ISL2: variants seen among roughly 807,000 people sequenced by gnomAD.
The protein encoded by ISL2 is ISL LIM homeobox 2, also known as insulin gene enhancer protein ISL-2.
ISL2 carries 17 observed loss-of-function variants against 34.6 expected under a neutral mutation model. That is an observed-to-expected ratio of 0.49 (90% CI 0.34 to 0.74). The LOEUF (loss-of-function observed/expected upper bound fraction) is 0.74, where lower values mean the gene tolerates loss of function less well. ISL2 is among the 30% of genes least tolerant of loss of function. The probability of loss-of-function intolerance (pLI) is 0.01; values close to 1 mark genes in which losing one functional copy is unlikely to be tolerated. For synonymous variants in ISL2, 232 were observed against 225.5 expected, an observed-to-expected ratio of 1.03 and a Z score of -0.26; for missense variants, 469 against 515.2, an observed-to-expected ratio of 0.91 and a Z score of 0.87.
chr15:76,342,152 C>A lies in ISL2; in HGVS notation c.*317C>A, dbSNP rs533772819. The stretch of plus-strand genomic sequence containing the variant: ...TGTCTCTCCACGCCCCACCTGTGTC[C>A]CCATCTCGGCCGGCCCGGAGCTCGC... On this transcript the variant is annotated 3_prime_UTR_variant, in exon 6 of 6. Coordinates refer to ENST00000290759, the MANE Select transcript of ISL2 (RefSeq NM_145805.3). 1.1e-3 allele frequency: 227 copies of A among 212,166 alleles called. 1 individual carries two copies. In the Middle Eastern group the frequency reaches 0.014, roughly 13 times the overall value. The allele number at this position is 212,166 out of a possible 1,614,324, so 13.1% of individuals were successfully genotyped here. A position where few individuals can be genotyped will look rare whatever the true frequency, so the allele number is the denominator to read the frequency against.
At chr15:76,338,135 C>T (rs911499626) in intron 2 of ISL2, 117 bp from the exon 3 acceptor site, 5 of 1,388,478 alleles carry the variant, frequency 3.6e-6, no homozygotes, top group Non-Finnish European at 4.7e-6. Flanking sequence ...GCAGGCGGGT[C>T]ACCGCAGTCT....
At chr15:76,339,269 C>G in intron 3 of ISL2, 1 of 984,982 alleles carries the variant, frequency 1.0e-6, no homozygotes, top group Non-Finnish European at 1.2e-6. Context: ...TGGCCTTGCC[C>G]CGCTCCTCCC....
chr15:76,338,381 TG>T lies in ISL2; in HGVS notation c.382del (p.Asp128ThrfsTer71). ...CSVCSRQLLP[G>X]DEFSLREHEL... Reference sequence around the variant, plus strand: ...CCGTGTGCAGCCGCCAGCTGCTGCCTGGGGACGAGTTCTCGCTGCGGGAGCA... The same window carrying T: ...CCGTGTGCAGCCGCCAGCTGCTGCCTGGGACGAGTTCTCGCTGCGGGAGCA... On this transcript the variant is annotated frameshift_variant, in exon 3 of 6. Coordinates refer to ENST00000290759, the MANE Select transcript of ISL2 (RefSeq NM_145805.3). LOFTEE classifies it high-confidence loss of function. 1.3e-6 allele frequency: 2 copies of T among 1,546,380 alleles called. No homozygotes were observed. Among genetic ancestry groups the T allele is most frequent in the Non-Finnish European group, 8.7e-7 (1 of 1,155,382 alleles).
chr15:76,341,964 T>C lies in ISL2; in HGVS notation c.*129T>C. 1.4e-6 allele frequency: 1 copy of C among 692,302 alleles called. No individual in the cohort carries two copies. Among genetic ancestry groups the C allele is most frequent in the South Asian group, 1.7e-5 (1 of 59,536 alleles). 42.9% of individuals were successfully genotyped at this position (692,302 alleles called of 1,614,324 possible). On this transcript the variant is annotated 3_prime_UTR_variant, in exon 6 of 6. Coordinates refer to ENST00000290759, the MANE Select transcript of ISL2 (RefSeq NM_145805.3). ...TATTCTATTGTTATTTATGAGAGAGTACCGAGAGACACGGTCTGGACAGCC... is the reference window on the plus strand; with the variant it reads ...TATTCTATTGTTATTTATGAGAGAGCACCGAGAGACACGGTCTGGACAGCC...
At chr15:76,341,051 C>T in intron 4 of ISL2, 83 bp from the exon 5 acceptor site, 1 of 1,324,770 alleles carries the variant, frequency 7.5e-7, no homozygotes, top group South Asian at 1.4e-5. Flanking sequence ...CTAAATCACT[C>T]AAGGCCTGGA....
intron 3 of ISL2, 103 bp from the exon 4 acceptor site, chr15:76,340,173 G>C: frequency 2.1e-6 from 3 of 1,429,626 alleles, no homozygotes; most frequent in South Asian, 3.0e-5. Flanking sequence ...GAATAAAACA[G>C]AAACGAAATC....
At chr15:76,339,662 CAG>C (rs2040178958) in intron 3 of ISL2, 5 of 985,722 alleles carry the variant, frequency 5.1e-6, no homozygotes, top group East Asian at 1.1e-4. Context: ...AGGAAGGAGA[CAG>C]GGGCCGAAGC....
chr15:76,340,790 G>C (rs1307193324), intron 4 of ISL2, among the ~76,000 whole-genome samples: 1 of 152,378 alleles, frequency 6.6e-6, no homozygotes, highest in Non-Finnish European at 1.5e-5. Context: ...TGCGGGTTCC[G>C]GGCGCTGCGC....
rs2040196816 is a variant in ISL2, at chr15:76,341,815, C to G, written c.1060C>G (p.Pro354Ala). The G allele has an allele frequency of 1.2e-6, 2 of 1,613,222 alleles. No homozygotes were observed. Among genetic ancestry groups the G allele is most frequent in the Non-Finnish European group, 1.7e-6 (2 of 1,179,674 alleles). Reference protein sequence around the residue: ...QLPDTPNSMVPSPVET With the variant: ...QLPDTPNSMVASPVET Reference sequence around the variant, plus strand: ...CCCGGACACCCCCAACAGTATGGTGCCGAGTCCCGTGGAGACGTGAGGGGG... The same window carrying G: ...CCCGGACACCCCCAACAGTATGGTGGCGAGTCCCGTGGAGACGTGAGGGGG... Residue 354 changes from proline to alanine, a missense_variant, in exon 6 of 6, where the codon CCG (proline) becomes GCG (alanine). Physicochemically the swap from Pro to Ala is conservative, Grantham distance 27. Coordinates refer to ENST00000290759, the MANE Select transcript of ISL2 (RefSeq NM_145805.3).
intron 3 of ISL2, chr15:76,338,967 G>A (rs1042949465): frequency 1.0e-6 from 1 of 985,296 alleles, no homozygotes; most frequent in Non-Finnish European, 1.2e-6. Context: ...TCAGCCAGGA[G>A]CCAAGAACCC....
chr15:76,341,997 C>T lies in ISL2; in HGVS notation c.*162C>T. On this transcript the variant is annotated 3_prime_UTR_variant, in exon 6 of 6. Coordinates refer to ENST00000290759, the MANE Select transcript of ISL2 (RefSeq NM_145805.3). ...GACACGGTCTGGACAGCCCAAGGCG[C>T]CAGGATGCAACCTGCTTTCACCAGA... The T allele has an allele frequency of 1.7e-6, 1 of 604,794 alleles. No individual in the cohort carries two copies. The highest frequency in any genetic ancestry group is 3.0e-6 in the Non-Finnish European group (1 of 338,396). The allele number at this position is 604,794 out of a possible 1,614,324, so 37.5% of individuals were successfully genotyped here.
chr15:76,340,946 C>G (rs148103758), intron 4 of ISL2, among the ~76,000 whole-genome samples, 188 bp from the exon 5 acceptor site: 11 of 152,358 alleles, frequency 7.2e-5, no homozygotes, highest in Non-Finnish European at 1.3e-4. Flanking sequence ...GCTGACCTAT[C>G]GTGGCAAGTT....
At chr15:76,340,610 G>C in intron 4 of ISL2, 51 bp downstream of exon 4, 1 of 1,552,836 alleles carries the variant, frequency 6.4e-7, no homozygotes, top group Non-Finnish European at 8.7e-7. Flanking sequence ...CTGCGCTTCC[G>C]CCGCGGTATC....
In ISL2 at chr15:76,336,859, A is replaced by G. The variant is rs2040153575; in HGVS notation, c.-25A>G. On this transcript the variant is annotated 5_prime_UTR_variant, in exon 1 of 6. Transcript: ENST00000290759. Reference sequence around the variant, plus strand: ...CTCGTCCTTCTGCCCCTGGCCGCACACTTTGCGCACATCTCTTTTTCTGCA... The same window carrying G: ...CTCGTCCTTCTGCCCCTGGCCGCACGCTTTGCGCACATCTCTTTTTCTGCA... 2 of 1,608,938 alleles carry G rather than the reference A, an allele frequency of 1.2e-6. No homozygotes were observed. Among genetic ancestry groups the G allele is most frequent in the African/African-American group, 1.3e-5 (1 of 74,814 alleles).
At chr15:76,339,147 T>TACG in intron 3 of ISL2, 1 of 985,372 alleles carries the variant, frequency 1.0e-6, no homozygotes, top group African/African-American at 1.7e-5. Flanking sequence ...AATGGGCAGG[T>TACG]ACGGCTGAAC....
At chr15:76,339,823 C>G (rs936982162) in intron 3 of ISL2, 2 of 1,000,022 alleles carry the variant, frequency 2.0e-6, no homozygotes, top group Non-Finnish European at 2.4e-6. Context: ...TTCGCACCTC[C>G]CACCCAGTCC....
rs745432373 is a variant in ISL2 at position 76,341,129 on chromosome 15, C to T, written c.796-5C>T. On this transcript the variant is annotated splice_region_variant and splice_polypyrimidine_tract_variant and intron_variant, in intron 4 of 5. Coordinates refer to ENST00000290759, the MANE Select transcript of ISL2 (RefSeq NM_145805.3). ...AGCACCTACTGCCTTCTGCTTGCCC[C>T]GCAGAGCCTTCAGGGACTGACTGGG... The T allele has an allele frequency of 1.9e-6, 3 of 1,571,346 alleles. No individual in the cohort carries two copies. Among genetic ancestry groups the T allele is most frequent in the Non-Finnish European group, 2.6e-6 (3 of 1,158,474 alleles).
chr15:76,341,378 G>C, intron 5 of ISL2, 77 bp downstream of exon 5: 12 of 1,420,444 alleles, frequency 8.4e-6, no homozygotes, highest in Non-Finnish European at 1.1e-5. Context: ...GGCAGAGAGG[G>C]GAGGGGGTGG....
At chr15:76,340,112 G>T (rs2040182110) in intron 3 of ISL2, 164 bp from the exon 4 acceptor site, 1 of 1,422,032 alleles carries the variant, frequency 7.0e-7, no homozygotes, top group South Asian at 1.5e-5. Context: ...AGCTCTCTCC[G>T]AGTAAGGCGA....
Sources: allele counts gnomAD v4.1 joint callset (sites outside exome capture counted in the v4.1 genomes callset), GRCh38; gene constraint gnomAD v4.1.1; transcripts MANE v1.5; gene names NCBI Gene and HGNC (gene_info 2026-07-23, HGNC 2026-07-21).